Variants in HSD17B4 observed in about 807,000 individuals in gnomAD.
HSD17B4 encodes peroxisomal multifunctional enzyme type 2.
Under a neutral mutation model 101.0 loss-of-function variants are expected in HSD17B4, and 70 were observed. That is an observed-to-expected ratio of 0.69 (90% CI 0.57 to 0.85). HSD17B4 has a LOEUF of 0.85. HSD17B4 is among the 40% of genes least tolerant of loss of function. The pLI is 0.00. For synonymous variants in HSD17B4, 347 were observed against 297.1 expected (o/e 1.17, Z -1.73); for missense variants, 984 against 892.4 (o/e 1.10, Z -1.31).
rs143750360 is a variant in HSD17B4, at chr5:119,499,344, C to G, written c.1000C>G (p.Pro334Ala). ...TGGAGCTATTGGCCAGAAACTCCCT[C>G]CATTTTCTTATGCTTATACGGAACT... ...FAGAIGQKLP[P>A]FSYAYTELEA... The change falls in exon 13 of 24, where the codon CCA (proline) becomes GCA (alanine). Residue 334 changes from proline to alanine, a missense_variant. By Grantham distance (27) the Pro-to-Ala change is conservative. Coordinates refer to ENST00000510025, the MANE Select transcript of HSD17B4 (RefSeq NM_000414.4). 24 of 1,613,296 alleles carry G rather than the reference C, an allele frequency of 1.5e-5. No individual in the cohort carries two copies. The highest frequency in any genetic ancestry group is 1.3e-4 in the Admixed American group (8 of 59,996).
chr5:119,465,946 T>C (rs1755766449), intron 2 of HSD17B4, among the ~76,000 whole-genome samples: 1 of 152,218 alleles, frequency 6.6e-6, no homozygotes, highest in African/African-American at 2.4e-5. Context: ...TTGAGTGTGA[T>C]GTTAGCTGCA....
At chr5:119,529,252 A>G (rs1753853499) in intron 20 of HSD17B4, among the ~76,000 whole-genome samples, 1 of 152,174 alleles carries the variant, frequency 6.6e-6, no homozygotes, top group Admixed American at 6.5e-5. Flanking sequence ...TAGCCATTGG[A>G]ATAATTTGAA....
At position 119,467,315 on chromosome 5, in the gene HSD17B4, T is replaced by C. The variant is rs748184038; in HGVS notation, c.113-6593T>C. The stretch of plus-strand genomic sequence containing the variant: ...TGGTCTTTTTGGTCCATTTTGTTTA[T>C]AGAGCAGTTTAAGTCCAAAGTTTCT... On this transcript the variant is annotated intron_variant, in intron 2 of 23. Transcript: ENST00000510025. Among the ~76,000 whole-genome samples, 152 of 152,234 alleles carry C rather than the reference T, an allele frequency of 1.0e-3. 1 individual carries two copies. Among genetic ancestry groups the C allele is most frequent in the Non-Finnish European group, 4.0e-4 (27 of 68,022 alleles).
At chr5:119,496,445 C>A in intron 11 of HSD17B4, 98 bp from the exon 12 acceptor site, 1 of 760,954 alleles carries the variant, frequency 1.3e-6, no homozygotes, top group South Asian at 1.5e-5. Context: ...AGCAGGTTTG[C>A]TGAATGTTAT....
chr5:119,538,758 G>A (rs1445614299), intron 23 of HSD17B4, among the ~76,000 whole-genome samples: 1 of 151,970 alleles, frequency 6.6e-6, no homozygotes, highest in African/African-American at 2.4e-5. Context: ...TGCCTTTTCT[G>A]GAATTTCTCC....
At chr5:119,514,375 C>G (rs1296894712) in intron 16 of HSD17B4, among the ~76,000 whole-genome samples, 1 of 152,114 alleles carries the variant, frequency 6.6e-6, no homozygotes, top group Non-Finnish European at 1.5e-5. Flanking sequence ...AATTTTGCCT[C>G]TATTATAAAT....
In HSD17B4 at chr5:119,492,087, C is replaced by T. The variant is rs185869017; in HGVS notation, c.715-13C>T. 579 of 1,605,432 alleles carry T rather than the reference C, an allele frequency of 3.6e-4. 2 individuals carry two copies. In the African/African-American group the frequency reaches 6.6e-3, roughly 18 times the overall value. The stretch of plus-strand genomic sequence containing the variant: ...CATTAGATGGTATAATGTTTTCCCC[C>T]TCTTTTTGGTAGGTTGGAGCAGGAT... On this transcript the variant is annotated splice_polypyrimidine_tract_variant and intron_variant, in intron 9 of 23. Transcript: ENST00000510025.
intron 17 of HSD17B4, among the ~76,000 whole-genome samples, chr5:119,517,229 A>G (rs1752702948): frequency 6.6e-6 from 1 of 152,198 alleles, no homozygotes; most frequent in African/African-American, 2.4e-5. Flanking sequence ...GCCCCGGGCA[A>G]TGAGGGGCTT....
chr5:119,456,261 A>G, intron 1 of HSD17B4, 54 bp from the exon 2 acceptor site: 7 of 1,290,382 alleles, frequency 5.4e-6, no homozygotes, highest in Non-Finnish European at 7.9e-6. Flanking sequence ...TGAGCGGACC[A>G]AAAAAATTAT....
At chr5:119,514,861 T>C in intron 16 of HSD17B4, 120 bp from the exon 17 acceptor site, 1 of 708,192 alleles carries the variant, frequency 1.4e-6, no homozygotes, top group South Asian at 1.6e-5. Flanking sequence ...TTTTAAACCC[T>C]TTTATCCAAT....
At chr5:119,464,817 A>T (rs1301022194) in intron 2 of HSD17B4, 1 of 152,074 alleles carries the variant, frequency 6.6e-6, no homozygotes, top group Admixed American at 6.5e-5. Context: ...GATGGTCTCG[A>T]TCTTTTGACC....
In HSD17B4 at chr5:119,463,923, G is replaced by A. The variant is rs111447480; in HGVS notation, c.112+7555G>A. On this transcript the variant is annotated intron_variant, in intron 2 of 23. Coordinates refer to ENST00000510025, the MANE Select transcript of HSD17B4 (RefSeq NM_000414.4). Reference sequence around the variant, plus strand: ...TCATCTCAAATGATCCGCCTGCCTTGGCCTCCCAAAGTGCGGGGATTACAG... The same window carrying A: ...TCATCTCAAATGATCCGCCTGCCTTAGCCTCCCAAAGTGCGGGGATTACAG... Among the ~76,000 whole-genome samples, 142 of 151,930 alleles carry A rather than the reference G, an allele frequency of 9.3e-4. 2 individuals are homozygous for A. The highest frequency in any genetic ancestry group is 3.4e-3 in the Middle Eastern group (1 of 294).
chr5:119,518,200 A>C (rs1022473474), intron 17 of HSD17B4, among the ~76,000 whole-genome samples: 5 of 152,168 alleles, frequency 3.3e-5, no homozygotes, highest in Admixed American at 3.3e-4. Flanking sequence ...TTATGAGCTG[A>C]AGCCAGCGAG....
Position 119,499,626 on chromosome 5 carries a change from A to G in HSD17B4, c.1209+73A>G. The G allele has an allele frequency of 4.8e-6, 4 of 836,258 alleles. No individual in the cohort carries two copies. In the Admixed American group the frequency reaches 6.9e-5, roughly 15 times the overall value. 51.8% of individuals were successfully genotyped at this position (836,258 alleles called of 1,614,324 possible). On this transcript the variant is annotated intron_variant, in intron 13 of 23. Coordinates refer to ENST00000510025, the MANE Select transcript of HSD17B4 (RefSeq NM_000414.4). ...ATTATTCATTAATGTCATATCTTATATATATGTGTGTGTAGTGTGTGTATA... is the reference window on the plus strand; with the variant it reads ...ATTATTCATTAATGTCATATCTTATGTATATGTGTGTGTAGTGTGTGTATA...
At chr5:119,514,709 A>T (rs1305995287) in intron 16 of HSD17B4, among the ~76,000 whole-genome samples, 2 of 152,176 alleles carry the variant, frequency 1.3e-5, no homozygotes, top group Non-Finnish European at 2.9e-5. Flanking sequence ...ACTGTCCTTA[A>T]CTTTTTCTCC....
At chr5:119,514,570 A>G (rs1166491716) in intron 16 of HSD17B4, among the ~76,000 whole-genome samples, 2 of 152,192 alleles carry the variant, frequency 1.3e-5, no homozygotes, top group African/African-American at 4.8e-5. Flanking sequence ...TTTAAAATGT[A>G]TTATTTTGTT....
At chr5:119,509,391 C>A in intron 16 of HSD17B4, 147 bp downstream of exon 16, 2 of 721,286 alleles carry the variant, frequency 2.8e-6, no homozygotes, top group Non-Finnish European at 5.1e-6. Context: ...GACACCAAGA[C>A]CAGTCCCTCT....
chr5:119,489,499 A>G (rs892318158), intron 9 of HSD17B4, among the ~76,000 whole-genome samples: 8 of 152,178 alleles, frequency 5.3e-5, no homozygotes, highest in African/African-American at 1.9e-4. Flanking sequence ...CCAAATGAAA[A>G]TGTGGCTGGT....
chr5:119,523,974 A>C (rs552173897), intron 17 of HSD17B4, among the ~76,000 whole-genome samples: 30 of 152,110 alleles, frequency 2.0e-4, no homozygotes, highest in African/African-American at 7.2e-4. Flanking sequence ...TTCCTGTCAC[A>C]ATTTCAGGCC....
Sources: gnomAD v4.1 joint callset for allele counts (sites outside exome capture counted in the v4.1 genomes callset) on GRCh38, gnomAD v4.1.1 for gene constraint, MANE v1.5 for transcripts, NCBI Gene and HGNC (gene_info 2026-07-23, HGNC 2026-07-21) for gene names.